Variants in RAB19 observed in about 807,000 individuals in gnomAD.
RAB19 encodes ras-related protein Rab-19.
RAB19 carries 21 observed loss-of-function variants against 17.3 expected under a neutral mutation model. That is an observed-to-expected ratio of 1.21 (90% CI 0.86 to 1.74). RAB19 has a LOEUF of 1.74. RAB19 is among the 40% of genes most tolerant of loss of function. The pLI is 0.00. For missense variants in RAB19, 277 were observed against 286.8 expected, an observed-to-expected ratio of 0.97 and a Z score of 0.25; for synonymous variants, 126 against 110.4, an observed-to-expected ratio of 1.14 and a Z score of -0.88.
At chr7:140,424,782 G>A (rs963957089) in intron 3 of RAB19, among the ~76,000 whole-genome samples, 3 of 151,058 alleles carry the variant, frequency 2.0e-5, no homozygotes, top group Non-Finnish European at 2.9e-5. Context: ...GGGGAATTAT[G>A]GAAAAAAATA....
In RAB19 at chr7:140,427,850, A is replaced by AAAGT. The variant is rs1331649378; in HGVS notation, c.*1701_*1704dup. 2.4e-4 allele frequency among the ~76,000 whole-genome samples: 37 copies of AAAGT among 151,974 alleles called. No individual in the cohort carries two copies. Among genetic ancestry groups the AAAGT allele is most frequent in the African/African-American group, 6.5e-4 (27 of 41,446 alleles). ...CAGGTTTCTCCCACCTCAGCCTCCC[A>AAAGT]AAGTGCTGGGATTACAGGCATGAGC... On this transcript the variant is annotated 3_prime_UTR_variant, in exon 4 of 4. Coordinates refer to ENST00000537763, the MANE Select transcript of RAB19 (RefSeq NM_001008749.3).
At chr7:140,419,689 A>G (rs1272867536) in intron 3 of RAB19, among the ~76,000 whole-genome samples, 1 of 152,168 alleles carries the variant, frequency 6.6e-6, no homozygotes, top group East Asian at 1.9e-4. Flanking sequence ...TTGCATGGTC[A>G]TGCAGCTCTA....
rs1249617302 is a variant in RAB19 at position 140,411,933 on chromosome 7, C to T, written c.261C>T (p.Tyr87=). 1 of 1,614,216 alleles carries T rather than the reference C, an allele frequency of 6.2e-7. No individual in the cohort carries two copies. The highest frequency in any genetic ancestry group is 8.5e-7 in the Non-Finnish European group (1 of 1,180,046). Residue 87 remains tyrosine (Y), a synonymous_variant, in exon 3 of 4, where the codon TAC becomes TAT. Coordinates refer to ENST00000537763, the MANE Select transcript of RAB19 (RefSeq NM_001008749.3). ...TCCGCACCATCACCCAAAGCTACTA[C>T]CGCAGTGCCCACGCAGCCATCATCG... ...ERFRTITQSY[Y]RSAHAAIIAY...
intron 2 of RAB19, among the ~76,000 whole-genome samples, chr7:140,410,593 T>C (rs907554203): frequency 1.3e-5 from 2 of 152,108 alleles, no homozygotes; most frequent in Non-Finnish European, 1.5e-5. Flanking sequence ...CCCAAAGTGC[T>C]GGGATTACAG....
chr7:140,423,939 C>T (rs751754176), intron 3 of RAB19, among the ~76,000 whole-genome samples: 25 of 150,592 alleles, frequency 1.7e-4, no homozygotes, highest in South Asian at 8.5e-4. Flanking sequence ...CTGCAACCTC[C>T]GCCTCCCGGG....
At chr7:140,425,827 G>T (rs978603450) in intron 3 of RAB19, 55 bp from the exon 4 acceptor site, 2 of 1,538,826 alleles carry the variant, frequency 1.3e-6, no homozygotes, top group African/African-American at 1.4e-5. Context: ...AGTTCATTTT[G>T]AAAGAAACCA....
chr7:140,411,740 C>T (rs775559413), intron 2 of RAB19, 134 bp from the exon 3 acceptor site: 4 of 1,546,806 alleles, frequency 2.6e-6, no homozygotes, highest in Non-Finnish European at 3.5e-6. Context: ...CCCTGGGTCC[C>T]ACCCCAGATC....
At chr7:140,411,744 C>G in intron 2 of RAB19, 130 bp from the exon 3 acceptor site, 1 of 1,559,686 alleles carries the variant, frequency 6.4e-7, no homozygotes, top group South Asian at 1.2e-5. Flanking sequence ...GGGTCCCACC[C>G]CAGATCTACT....
intron 2 of RAB19, among the ~76,000 whole-genome samples, chr7:140,411,663 C>T (rs1345324595): frequency 2.6e-5 from 4 of 152,118 alleles, no homozygotes; most frequent in African/African-American, 9.7e-5. Context: ...ACAAGCTTGT[C>T]TTAGATGGTC....
chr7:140,411,053 C>G (rs1799350642), intron 2 of RAB19: 2 of 1,367,634 alleles, frequency 1.5e-6, no homozygotes, highest in African/African-American at 3.0e-5. Flanking sequence ...AAATCTGGAC[C>G]AAGTGATGAG....
intron 3 of RAB19, among the ~76,000 whole-genome samples, chr7:140,425,183 G>A (rs1799640996): frequency 6.6e-6 from 1 of 152,148 alleles, no homozygotes; most frequent in South Asian, 2.1e-4. Context: ...CTACTCGGGA[G>A]TCTGAGGCAC....
intron 3 of RAB19, among the ~76,000 whole-genome samples, chr7:140,416,809 C>A (rs911114323): frequency 4.6e-5 from 7 of 152,088 alleles, no homozygotes; most frequent in African/African-American, 1.4e-4. Flanking sequence ...TAGAATCCAG[C>A]TGGGCGCCGT....
chr7:140,419,189 C>T (rs1799516126), intron 3 of RAB19, among the ~76,000 whole-genome samples: 1 of 151,678 alleles, frequency 6.6e-6, no homozygotes, highest in South Asian at 2.1e-4. Flanking sequence ...CATGCCTCAG[C>T]CTCCCAAGTA....
intron 1 of RAB19, among the ~76,000 whole-genome samples, chr7:140,405,237 T>TTTC (rs1799214907): frequency 1.3e-5 from 2 of 152,314 alleles, no homozygotes; most frequent in South Asian, 4.1e-4. Context: ...GTTTGTTTTT[T>TTTC]GAAACGGAGT....
intron 3 of RAB19, among the ~76,000 whole-genome samples, chr7:140,415,821 C>T (rs975916784): frequency 6.6e-5 from 10 of 151,808 alleles, no homozygotes; most frequent in East Asian, 3.9e-4. Context: ...AGGAGACTTG[C>T]TTGAACCCGG....
At chr7:140,421,397 G>C (rs1799561082) in intron 3 of RAB19, among the ~76,000 whole-genome samples, 1 of 151,936 alleles carries the variant, frequency 6.6e-6, no homozygotes, top group South Asian at 2.1e-4. Flanking sequence ...GTCTTGATCT[G>C]TGACCCAGGC....
In RAB19 at chr7:140,411,879, G is replaced by A. The variant is rs1391797524; in HGVS notation, c.207G>A (p.Gln69=). The A allele has an allele frequency of 4.3e-6, 7 of 1,614,064 alleles. No individual in the cohort carries two copies. The South Asian group carries it at 7.7e-5, about 18-fold the overall frequency. Residue 69 remains glutamine (Q), a synonymous_variant, in exon 3 of 4, where the codon CAG becomes CAA. Coordinates refer to ENST00000537763, the MANE Select transcript of RAB19 (RefSeq NM_001008749.3). ...TCCTTCCTGTCCTTCTCCAGATGCA[G>A]GTGTGGGACACAGCTGGCCAGGAGC... ...LDIDGKKVKM[Q]VWDTAGQERF... is the part of the protein sequence containing the mutation.
chr7:140,412,316 G>A (rs1303364877), intron 3 of RAB19, among the ~76,000 whole-genome samples: 1 of 151,904 alleles, frequency 6.6e-6, no homozygotes, highest in African/African-American at 2.4e-5. Context: ...GACAGGCGTA[G>A]TGGTGGGCGC....
intron 3 of RAB19, among the ~76,000 whole-genome samples, chr7:140,424,663 G>GTATATA (rs36042630): frequency 0.012 from 1,369 of 117,668 alleles, 21 homozygotes; most frequent in African/African-American, 0.031. Context: ...ATATGTGTGT[G>GTATATA]TATATATATA....
Sources: allele counts gnomAD v4.1 joint callset (sites outside exome capture counted in the v4.1 genomes callset), GRCh38; gene constraint gnomAD v4.1.1; transcripts MANE v1.5; gene names NCBI Gene and HGNC (gene_info 2026-07-23, HGNC 2026-07-21).